Variants in RABGAP1 observed in about 807,000 individuals in gnomAD.
The protein encoded by RABGAP1 is RAB GTPase activating protein 1, also known as rab GTPase-activating protein 1.
RABGAP1 carries 23 observed loss-of-function variants against 137.6 expected under a neutral mutation model. The observed-to-expected ratio is 0.17, with a 90% confidence interval of 0.12 to 0.24. The LOEUF (loss-of-function observed/expected upper bound fraction) is 0.24, where lower values mean the gene tolerates loss of function less well. Ranked by LOEUF, RABGAP1 falls within the 10% of genes least tolerant of loss-of-function variation. The pLI is 1.00. For synonymous variants in RABGAP1, 451 were observed against 450.7 expected (o/e 1.00, Z -0.01); for missense variants, 906 against 1,275.8 (o/e 0.71, Z 4.42).
chr9:123,070,786 G>A lies in RABGAP1; in HGVS notation c.1983+362G>A, dbSNP rs1366515178. On this transcript the variant is annotated intron_variant, in intron 15 of 25. Transcript: ENST00000373647. This position sits in a 1 kb window ranked among gnomAD's most constrained non-coding sequence, Gnocchi z 4.4. ...ATTGGGGTAGGAGGAAGGCGGAAAA[G>A]TTGGTTTTCTTTTAGTACCATTTTA... Among the ~76,000 whole-genome samples the A allele has an allele frequency of 6.6e-6, 1 of 152,178 alleles. No individual in the cohort carries two copies. The highest frequency in any genetic ancestry group is 6.5e-5 in the Admixed American group (1 of 15,280).
chr9:123,074,903 A>G (rs2034465502), intron 17 of RABGAP1, among the ~76,000 whole-genome samples: 12 of 152,194 alleles, frequency 7.9e-5, no homozygotes, highest in Admixed American at 7.9e-4. Flanking sequence ...TCCATCCAGT[A>G]TTTCCACTTT....
At chr9:122,931,989 C>A in the RABGAP1 span, among the ~76,000 whole-genome samples, 3 of 152,190 alleles carry the variant, frequency 2.0e-5, no homozygotes, top group South Asian at 6.2e-4. Flanking sequence ...TGGAGTTCTT[C>A]CTAGGGCAAA....
At chr9:123,069,157 A>T (rs1442845312) in intron 14 of RABGAP1, among the ~76,000 whole-genome samples, 1 of 152,212 alleles carries the variant, frequency 6.6e-6, no homozygotes, top group Non-Finnish European at 1.5e-5. Flanking sequence ...TTCAGAGGAG[A>T]TGGGTAGTAA....
At chr9:123,102,757 TGCTAG>T (rs2035380625) in intron 25 of RABGAP1, among the ~76,000 whole-genome samples, 1 of 152,094 alleles carries the variant, frequency 6.6e-6, no homozygotes, top group Non-Finnish European at 1.5e-5. Context: ...TCAAATGCCA[TGCTAG>T]GGAGTTTAAA....
At chr9:123,004,022 G>C (rs950823450) in intron 10 of RABGAP1, among the ~76,000 whole-genome samples, 2 of 152,228 alleles carry the variant, frequency 1.3e-5, no homozygotes, top group South Asian at 2.1e-4. Context: ...CTGGATACCC[G>C]GGCCTCTTAT....
At chr9:123,059,772 C>G (rs1431958039) in intron 13 of RABGAP1, among the ~76,000 whole-genome samples, 3 of 152,278 alleles carry the variant, frequency 2.0e-5, no homozygotes, top group African/African-American at 7.2e-5. Context: ...GACCCTTCAC[C>G]AAACACTGAA....
At chr9:123,102,221 G>T (rs1312781998) in intron 25 of RABGAP1, among the ~76,000 whole-genome samples, 1 of 152,170 alleles carries the variant, frequency 6.6e-6, no homozygotes, top group East Asian at 1.9e-4. Context: ...TGTTCTTCCA[G>T]TTCCCACCAC....
At chr9:123,025,737 T>C (rs1471322917) in intron 13 of RABGAP1, among the ~76,000 whole-genome samples, 1 of 152,068 alleles carries the variant, frequency 6.6e-6, no homozygotes, top group Non-Finnish European at 1.5e-5. Context: ...ACATTTTTTC[T>C]ATTTGCCTCT....
At chr9:123,060,584 T>C (rs77598822) in intron 13 of RABGAP1, among the ~76,000 whole-genome samples, 257 of 152,352 alleles carry the variant, frequency 1.7e-3, no homozygotes, top group Non-Finnish European at 2.8e-3. Context: ...TTTACCAAAG[T>C]GGTTATATCA....
chr9:123,079,534 C>T (rs112097332), intron 19 of RABGAP1, among the ~76,000 whole-genome samples: 3 of 151,936 alleles, frequency 2.0e-5, no homozygotes, highest in Non-Finnish European at 4.4e-5. Context: ...CCACCACACC[C>T]GGCCCGCCAC....
intron 1 of RABGAP1, among the ~76,000 whole-genome samples, chr9:122,944,403 T>C (rs1490460201): frequency 3.3e-5 from 5 of 152,144 alleles, no homozygotes; most frequent in Non-Finnish European, 7.4e-5. Context: ...TGAATTTTGC[T>C]ATTGTTTGTA....
chr9:122,979,504 A>G (rs546243327), intron 2 of RABGAP1, among the ~76,000 whole-genome samples: 33 of 152,232 alleles, frequency 2.2e-4, no homozygotes, highest in African/African-American at 7.9e-4. Context: ...TTCTTTTATG[A>G]TTCATACTTT....
At chr9:123,059,661 C>CT (rs2033890385) in intron 13 of RABGAP1, among the ~76,000 whole-genome samples, 1 of 152,112 alleles carries the variant, frequency 6.6e-6, no homozygotes, top group Non-Finnish European at 1.5e-5. Context: ...GGGCAAAGTC[C>CT]TTATGCATGG....
chr9:123,025,781 G>A lies in RABGAP1; in HGVS notation c.1794+5322G>A, dbSNP rs548234384. On this transcript the variant is annotated intron_variant, in intron 13 of 25. Transcript: ENST00000373647. ...TGATTAATTGTCCTAACTTTATATC[G>A]TCATCTTTTGAGATTTTCAGGTGTG... Among the ~76,000 whole-genome samples the A allele has an allele frequency of 3.3e-5, 5 of 151,612 alleles. No homozygotes were observed. In the East Asian group the frequency reaches 9.7e-4, roughly 29 times the overall value.
At chr9:122,976,124 C>T (rs561116361) in intron 2 of RABGAP1, among the ~76,000 whole-genome samples, 1 of 152,150 alleles carries the variant, frequency 6.6e-6, no homozygotes, top group Non-Finnish European at 1.5e-5. Context: ...TATGAATAAA[C>T]AATTCATCAT....
Position 122,998,632 on chromosome 9 carries a change from G to C in RABGAP1, c.1240G>C (p.Val414Leu). 6.2e-7 allele frequency: 1 copy of C among 1,609,654 alleles called. No individual in the cohort carries two copies. The highest frequency in any genetic ancestry group is 8.5e-7 in the Non-Finnish European group (1 of 1,176,826). The change falls in exon 10 of 26, where the codon GTA becomes CTA. Residue 414 changes from valine to leucine, a missense_variant. Physicochemically the swap from Val to Leu is conservative, Grantham distance 32 (BLOSUM62 1). Around this residue, in one of 9 missense-constraint regions of RABGAP1, gnomAD observed 212 missense variants for 289.4 expected, o/e 0.73. Transcript: ENST00000373647. ...VLFMTTAVDL[V>L]ITEVQEPVRF... ...GTTTATGACCACAGCTGTAGATTTG[G>C]TAATAACAGAAGTACAGGAGCCTGT...
chr9:123,001,958 G>A (rs12337223), intron 10 of RABGAP1, among the ~76,000 whole-genome samples: 16,574 of 152,060 alleles, frequency 0.11, 2,914 homozygotes, highest in African/African-American at 0.37. Flanking sequence ...GGAGAAGAAC[G>A]CATCAGAAAT....
chr9:123,071,721 G>A (rs1447484740), intron 15 of RABGAP1, among the ~76,000 whole-genome samples: 1 of 152,160 alleles, frequency 6.6e-6, no homozygotes, highest in East Asian at 1.9e-4. Flanking sequence ...AATGATAAGG[G>A]ATATCATTTT....
At chr9:123,030,248 G>A (rs1224335553) in intron 13 of RABGAP1, among the ~76,000 whole-genome samples, 1 of 152,122 alleles carries the variant, frequency 6.6e-6, no homozygotes, top group Non-Finnish European at 1.5e-5. Flanking sequence ...AAGGAATGTT[G>A]CTCTGATGGC....
Sources: gnomAD v4.1 joint callset for allele counts (sites outside exome capture counted in the v4.1 genomes callset) on GRCh38, gnomAD v4.1.1 for gene constraint, gnomAD v4.1.1 regional missense constraint, Gnocchi (gnomAD v3.1) non-coding constraint, MANE v1.5 for transcripts, NCBI Gene and HGNC (gene_info 2026-07-23, HGNC 2026-07-21) for gene names.